Variants in MAST2 observed in about 807,000 individuals in gnomAD.
MAST2 encodes the protein microtubule-associated serine/threonine-protein kinase 2.
Under a neutral mutation model 147.4 loss-of-function variants are expected in MAST2, and 70 were observed. The observed-to-expected ratio is 0.47, with a 90% confidence interval of 0.39 to 0.58. The LOEUF is 0.58. MAST2 is among the 20% of genes least tolerant of loss of function. The probability of loss-of-function intolerance (pLI) is 0.00; values close to 1 mark genes in which losing one functional copy is unlikely to be tolerated. For missense variants in MAST2, 2,080 were observed against 2,302.3 expected (o/e 0.90, Z 1.98); for synonymous variants, 869 against 896.8 (o/e 0.97, Z 0.55).
At chr1:45,838,086 T>C (rs1645158929) in intron 3 of MAST2, among the ~76,000 whole-genome samples, 1 of 151,948 alleles carries the variant, frequency 6.6e-6, no homozygotes, top group Admixed American at 6.6e-5. Context: ...GCTATCATTT[T>C]TTAAATTTTA....
intron 3 of MAST2, among the ~76,000 whole-genome samples, chr1:45,871,264 T>C (rs1248756385): frequency 2.6e-5 from 4 of 152,030 alleles, no homozygotes; most frequent in Admixed American, 6.6e-5. Flanking sequence ...TTTTTTTTCT[T>C]ATTTTCTTTT....
intron 26 of MAST2, 99 bp downstream of exon 26, chr1:46,032,817 T>C (rs1646729571): frequency 6.8e-7 from 1 of 1,475,448 alleles, no homozygotes; most frequent in Non-Finnish European, 9.2e-7. Context: ...TGCACACACA[T>C]CTACACCGAG....
chr1:45,984,509 T>C (rs2149078102), intron 5 of MAST2, among the ~76,000 whole-genome samples: 1 of 152,074 alleles, frequency 6.6e-6, no homozygotes, highest in East Asian at 1.9e-4. Flanking sequence ...TCCCACTGTG[T>C]TGTTGCCCAG....
At chr1:46,030,075 C>T in intron 20 of MAST2, 54 bp from the exon 21 acceptor site, 2 of 1,606,854 alleles carry the variant, frequency 1.2e-6, no homozygotes, top group East Asian at 2.2e-5. Flanking sequence ...AATGGGGTCA[C>T]AAGGAGGCCA....
At position 46,023,899 on chromosome 1, in the gene MAST2, G is replaced by A. The variant is rs764136583; in HGVS notation, c.1699G>A (p.Ala567Thr). ...CGTGGAGCGTGACATACTGACTTTC[G>A]CTGAGAACCCCTTTGTGGTCAGCAT... Reference protein sequence around the residue: ...AFVERDILTFAENPFVVSMFC... With the variant: ...AFVERDILTFTENPFVVSMFC... The change falls in exon 15 of 29, where the codon GCT (alanine) becomes ACT (threonine). Residue 567 changes from alanine (A) to threonine (T), a missense_variant. This residue lies in a region of MAST2 where 209 missense variants were observed against 309.5 expected (regional missense o/e 0.68). Coordinates refer to ENST00000361297, the MANE Select transcript of MAST2 (RefSeq NM_015112.3). This position sits in a 1 kb window ranked among gnomAD's most constrained non-coding sequence, Gnocchi z 4.9. 11 of 1,614,116 alleles carry A rather than the reference G, an allele frequency of 6.8e-6. No individual in the cohort carries two copies. Among genetic ancestry groups the A allele is most frequent in the South Asian group, 3.3e-5 (3 of 91,066 alleles).
At chr1:45,885,552 G>A (rs768855433) in intron 4 of MAST2, among the ~76,000 whole-genome samples, 22 of 152,108 alleles carry the variant, frequency 1.4e-4, no homozygotes, top group African/African-American at 2.4e-4. Context: ...CTCCAAATTG[G>A]TAAGTGGAAG....
intron 3 of MAST2, among the ~76,000 whole-genome samples, chr1:45,876,902 C>G (rs1275535363): frequency 6.6e-6 from 1 of 152,200 alleles, no homozygotes; most frequent in African/African-American, 2.4e-5. Flanking sequence ...TTAGCCAAAA[C>G]TGTAGTCTAC....
At chr1:45,988,596 G>A (rs1644739635) in intron 5 of MAST2, among the ~76,000 whole-genome samples, 3 of 152,158 alleles carry the variant, frequency 2.0e-5, no homozygotes, top group Admixed American at 2.0e-4. Context: ...TGTCAATTAT[G>A]TCAAGTTTGT....
At chr1:45,885,184 G>C (rs968502718) in intron 4 of MAST2, among the ~76,000 whole-genome samples, 1 of 152,116 alleles carries the variant, frequency 6.6e-6, no homozygotes, top group Non-Finnish European at 1.5e-5. Context: ...TGTCATTTAA[G>C]TCTTGGTCAG....
At chr1:45,827,656 A>AT (rs1394272484) in intron 2 of MAST2, among the ~76,000 whole-genome samples, 2 of 119,626 alleles carry the variant, frequency 1.7e-5, no homozygotes, top group Non-Finnish European at 3.7e-5. Context: ...CATCATCATC[A>AT]TTATTTTTTT....
intron 3 of MAST2, among the ~76,000 whole-genome samples, chr1:45,863,241 T>G (rs551167047): frequency 6.6e-6 from 1 of 152,340 alleles, no homozygotes; most frequent in East Asian, 1.9e-4. Flanking sequence ...TGCTGATACA[T>G]ATGTTTTAGC....
Position 46,034,176 on chromosome 1 carries a change from A to G in MAST2, c.3778A>G (p.Ser1260Gly). 1 of 1,614,024 alleles carries G rather than the reference A, an allele frequency of 6.2e-7. No individual in the cohort carries two copies. Among genetic ancestry groups the G allele is most frequent in the Non-Finnish European group, 8.5e-7 (1 of 1,179,992 alleles). Reference sequence around the variant, plus strand: ...TAACCGCTCCTTGTCATCAGGGGAGAGTGGGCCAGGCTCTCCCACACACAG... The same window carrying G: ...TAACCGCTCCTTGTCATCAGGGGAGGGTGGGCCAGGCTCTCCCACACACAG... ...SLNRSLSSGE[S>G]GPGSPTHSHS... Residue 1260 changes from serine to glycine, a missense_variant, in exon 28 of 29, where the codon AGT becomes GGT. Ser to Gly is a moderately conservative substitution (Grantham distance 56). Around this residue, in one of 4 missense-constraint regions of MAST2, gnomAD observed 1,278 missense variants for 1,304.2 expected, o/e 0.98. Transcript: ENST00000361297.
chr1:45,836,841 C>T (rs1645117126), intron 3 of MAST2, among the ~76,000 whole-genome samples: 1 of 152,282 alleles, frequency 6.6e-6, no homozygotes, highest in East Asian at 1.9e-4. Context: ...CATTCCCCAA[C>T]CTTTTTGGCA....
chr1:45,866,302 C>A (rs1001511623), intron 3 of MAST2, among the ~76,000 whole-genome samples: 1 of 152,108 alleles, frequency 6.6e-6, no homozygotes, highest in East Asian at 1.9e-4. Context: ...CTAATTTCTC[C>A]TGTTAGCACA....
At chr1:45,813,366 G>A (rs1202551882) in intron 1 of MAST2, among the ~76,000 whole-genome samples, 1 of 151,562 alleles carries the variant, frequency 6.6e-6, no homozygotes, top group Admixed American at 6.6e-5. Flanking sequence ...GTCTTGCTCT[G>A]TTGCTCAGGC....
intron 3 of MAST2, 133 bp downstream of exon 3, chr1:45,829,714 G>T (rs1018167379): frequency 2.1e-6 from 2 of 970,570 alleles, no homozygotes; most frequent in Non-Finnish European, 3.0e-6. Context: ...GGAAGAGAAT[G>T]AATTTATTAT....
chr1:45,826,756 A>C (rs1644805283), intron 2 of MAST2, among the ~76,000 whole-genome samples: 1 of 151,846 alleles, frequency 6.6e-6, no homozygotes, highest in African/African-American at 2.4e-5. Context: ...ATTTCCCCAC[A>C]GTTTTTTCAC....
intron 6 of MAST2, among the ~76,000 whole-genome samples, chr1:46,000,263 G>A (rs959696372): frequency 2.0e-5 from 3 of 152,170 alleles, no homozygotes; most frequent in Non-Finnish European, 2.9e-5. Flanking sequence ...GCAGTGAGCC[G>A]AGATCGTGCC....
At chr1:45,898,449 G>T (rs1345535980) in intron 4 of MAST2, among the ~76,000 whole-genome samples, 1 of 152,178 alleles carries the variant, frequency 6.6e-6, no homozygotes, top group East Asian at 1.9e-4. Context: ...TGTATAGTGT[G>T]TTCCTTGGTC....
Sources: allele counts gnomAD v4.1 joint callset (sites outside exome capture counted in the v4.1 genomes callset), GRCh38; gene constraint gnomAD v4.1.1; regional missense constraint gnomAD v4.1.1; non-coding constraint Gnocchi (gnomAD v3.1); transcripts MANE v1.5; gene names NCBI Gene and HGNC (gene_info 2026-07-23, HGNC 2026-07-21).